Variants in FHOD3 observed in about 807,000 individuals in gnomAD.
FHOD3 encodes FH1/FH2 domain-containing protein 3.
A neutral mutation model predicts 173.0 loss-of-function variants in FHOD3; 90 were observed. That is an observed-to-expected ratio of 0.52 (90% CI 0.44 to 0.62). FHOD3 has a LOEUF of 0.62. Ranked by LOEUF, FHOD3 falls within the 20% of genes least tolerant of loss-of-function variation. The probability of loss-of-function intolerance (pLI) is 0.00; values close to 1 mark genes in which losing one functional copy is unlikely to be tolerated. For synonymous variants in FHOD3, 828 were observed against 823.0 expected (o/e 1.01, Z -0.10); for missense variants, 1,945 against 2,034.7 (o/e 0.96, Z 0.85).
rs9962282 is a variant in FHOD3, at chr18:36,587,747, C to T, written c.607-7040C>T. Among the ~76,000 whole-genome samples the T allele has an allele frequency of 9.9e-5, 15 of 151,968 alleles. No homozygotes were observed. In the East Asian group the frequency reaches 1.4e-3, roughly 14 times the overall value. On this transcript the variant is annotated intron_variant, in intron 6 of 28. Transcript: ENST00000590592. Reference sequence around the variant, plus strand: ...TGGAGGTTGCTGTGAGCTGAGATCGCGCCATTGCACTCCAGCCTGGTGCTG... The same window carrying T: ...TGGAGGTTGCTGTGAGCTGAGATCGTGCCATTGCACTCCAGCCTGGTGCTG...
intron 28 of FHOD3, among the ~76,000 whole-genome samples, chr18:36,773,708 C>T (rs1369994540): frequency 6.6e-6 from 1 of 152,110 alleles, no homozygotes; most frequent in African/African-American, 2.4e-5. Flanking sequence ...TTCGTTGCTG[C>T]CTGAAGGTGC....
intron 25 of FHOD3, among the ~76,000 whole-genome samples, chr18:36,757,064 T>C (rs723097): frequency 0.033 from 5,077 of 152,344 alleles, 290 homozygotes; most frequent in African/African-American, 0.12. Flanking sequence ...TATAGTTATG[T>C]GGACACATCA....
At chr18:36,757,688 G>C (rs191326430) in intron 25 of FHOD3, among the ~76,000 whole-genome samples, 90 of 152,298 alleles carry the variant, frequency 5.9e-4, no homozygotes, top group African/African-American at 2.0e-3. Flanking sequence ...CCACGCACCA[G>C]CTCCTGAGTG....
intron 5 of FHOD3, among the ~76,000 whole-genome samples, chr18:36,560,694 A>T (rs544641434): frequency 4.6e-5 from 7 of 152,318 alleles, no homozygotes; most frequent in African/African-American, 1.2e-4. Flanking sequence ...TTGGGCCAAA[A>T]GGAGGGTAAC....
At chr18:36,354,699 G>T (rs2046277966) in intron 1 of FHOD3, among the ~76,000 whole-genome samples, 1 of 152,102 alleles carries the variant, frequency 6.6e-6, no homozygotes, top group Non-Finnish European at 1.5e-5. Flanking sequence ...CCAGCTACTT[G>T]GGAAGCTGAG....
At chr18:36,706,442 A>T (rs2149639350) in intron 17 of FHOD3, among the ~76,000 whole-genome samples, 1 of 152,322 alleles carries the variant, frequency 6.6e-6, no homozygotes, top group East Asian at 1.9e-4. Flanking sequence ...ACAAATTGAA[A>T]TACCTGATTC....
chr18:36,588,079 C>T (rs946311535), intron 6 of FHOD3, among the ~76,000 whole-genome samples: 2 of 152,196 alleles, frequency 1.3e-5, no homozygotes, highest in Non-Finnish European at 2.9e-5. Context: ...AAACAAGACC[C>T]AGAGTTCTGT....
chr18:36,418,052 C>T (rs962218597), intron 3 of FHOD3, among the ~76,000 whole-genome samples: 9 of 152,162 alleles, frequency 5.9e-5, no homozygotes, highest in African/African-American at 1.2e-4. Flanking sequence ...TTTCATATCA[C>T]GAGGTGCAAT....
chr18:36,435,101 C>CTTTTTTTTTTTTTTTT (rs36034498), intron 3 of FHOD3, among the ~76,000 whole-genome samples: 1 of 138,160 alleles, frequency 7.2e-6, no homozygotes. Context: ...TTTCACTGGA[C>CTTTTTTTTTTTTTTTT]TTTTTTTTTT....
intron 2 of FHOD3, among the ~76,000 whole-genome samples, chr18:36,369,974 T>C (rs904180824): frequency 6.6e-6 from 1 of 152,208 alleles, no homozygotes; most frequent in South Asian, 2.1e-4. Flanking sequence ...ACACCATTTC[T>C]ACAAGCTTTG....
At chr18:36,699,744 T>C (rs2039477814) in intron 17 of FHOD3, among the ~76,000 whole-genome samples, 1 of 152,228 alleles carries the variant, frequency 6.6e-6, no homozygotes, top group Non-Finnish European at 1.5e-5. Context: ...TCACGTTGAC[T>C]TTCTGGTACC....
chr18:36,520,822 G>A (rs972215167), intron 5 of FHOD3, among the ~76,000 whole-genome samples: 5 of 152,152 alleles, frequency 3.3e-5, no homozygotes, highest in African/African-American at 1.2e-4. Context: ...AATTTTCCAC[G>A]ACCAAATCTC....
intron 3 of FHOD3, among the ~76,000 whole-genome samples, chr18:36,411,345 G>A (rs923760883): frequency 6.6e-6 from 1 of 152,148 alleles, no homozygotes; most frequent in South Asian, 2.1e-4. Context: ...GGGATCCGTT[G>A]TGAAGAAAAT....
At chr18:36,593,035 C>T (rs1039854384) in intron 6 of FHOD3, among the ~76,000 whole-genome samples, 3 of 152,102 alleles carry the variant, frequency 2.0e-5, no homozygotes, top group Non-Finnish European at 1.5e-5. Flanking sequence ...CAGAGGTCTT[C>T]CCACACTGAG....
At chr18:36,423,184 T>C (rs1485483999) in intron 3 of FHOD3, among the ~76,000 whole-genome samples, 2 of 152,182 alleles carry the variant, frequency 1.3e-5, no homozygotes, top group Non-Finnish European at 2.9e-5. Context: ...GAATTCAAAA[T>C]TTTTAAGTAA....
intron 14 of FHOD3, among the ~76,000 whole-genome samples, chr18:36,671,246 C>T (rs2037515541): frequency 6.6e-6 from 1 of 152,244 alleles, no homozygotes. Flanking sequence ...CTCCTCTACT[C>T]AGGGAGACTT....
At chr18:36,456,015 C>A (rs2052188241) in intron 3 of FHOD3, among the ~76,000 whole-genome samples, 1 of 152,064 alleles carries the variant, frequency 6.6e-6, no homozygotes, top group African/African-American at 2.4e-5. Flanking sequence ...GAGTTGTGCA[C>A]CTCAAATGTC....
intron 9 of FHOD3, among the ~76,000 whole-genome samples, chr18:36,620,948 G>C (rs769096978): frequency 6.6e-6 from 1 of 152,132 alleles, no homozygotes; most frequent in South Asian, 2.1e-4. Flanking sequence ...ATTGCAGAGA[G>C]CTTGGTTAGC....
At chr18:36,410,658 GA>G (rs1233374423) in intron 3 of FHOD3, among the ~76,000 whole-genome samples, 3 of 152,150 alleles carry the variant, frequency 2.0e-5, no homozygotes, top group Non-Finnish European at 4.4e-5. Flanking sequence ...AATGTGGTAA[GA>G]ATTTGTTTTT....
Sources: gnomAD v4.1 joint callset for allele counts (sites outside exome capture counted in the v4.1 genomes callset) on GRCh38, gnomAD v4.1.1 for gene constraint, MANE v1.5 for transcripts, NCBI Gene and HGNC (gene_info 2026-07-23, HGNC 2026-07-21) for gene names.